FMNL3: variants seen among roughly 807,000 people sequenced by gnomAD.
The protein encoded by FMNL3 is formin like 3.
Under a neutral mutation model 119.6 loss-of-function variants are expected in FMNL3, and 57 were observed. The ratio of observed to expected loss-of-function variants is 0.48; its 90% CI spans 0.39 to 0.59. The LOEUF is 0.59. Ranked by LOEUF, FMNL3 falls within the 20% of genes least tolerant of loss-of-function variation. The pLI, the probability that FMNL3 is intolerant of heterozygous loss-of-function variation, is 0.00. For missense variants in FMNL3, 1,053 were observed against 1,323.5 expected (o/e 0.80, Z 3.17); for synonymous variants, 491 against 507.3 (o/e 0.97, Z 0.43).
In FMNL3 at chr12:49,644,305, G is replaced by A. The variant is rs1943055370; in HGVS notation, c.*1510C>T. ...CTGGTCTGTGTCCACTTTTTCTAAA[G>A]TAACCCCACCCCCAGCACACCATTG... On this transcript the variant is annotated 3_prime_UTR_variant, in exon 26 of 26. Transcript: ENST00000335154. 1.7e-6 allele frequency: 2 copies of A among 1,197,942 alleles called. No homozygotes were observed. Among genetic ancestry groups the A allele is most frequent in the South Asian group, 2.6e-5 (2 of 75,740 alleles). 74.2% of individuals were successfully genotyped at this position (1,197,942 alleles called of 1,614,324 possible).
chr12:49,648,664 A>G (rs1209446999), intron 21 of FMNL3, among the ~76,000 whole-genome samples: 3 of 152,180 alleles, frequency 2.0e-5, no homozygotes, highest in Non-Finnish European at 4.4e-5. Flanking sequence ...AATAACAGCT[A>G]CCTCATGTCT....
In FMNL3 at chr12:49,642,501, C is replaced by T. The variant is rs1008072367; in HGVS notation, c.*3314G>A. On this transcript the variant is annotated 3_prime_UTR_variant, in exon 26 of 26. Transcript: ENST00000335154. The surrounding 1 kb of genome is among the most constrained non-coding windows in gnomAD (Gnocchi z 5.8). Reference sequence around the variant, plus strand: ...AGTTCCCTTCCTTTCTCTGCCCCAGCCCTGCCCTGTGCTCATGGCGGTGTC... The same window carrying T: ...AGTTCCCTTCCTTTCTCTGCCCCAGTCCTGCCCTGTGCTCATGGCGGTGTC... The T allele has an allele frequency of 4.6e-5, 72 of 1,581,148 alleles. No homozygotes were observed. In the Admixed American group the frequency reaches 5.4e-4, roughly 12 times the overall value.
chr12:49,704,504 A>C (rs1253328989), intron 1 of FMNL3, among the ~76,000 whole-genome samples: 1 of 152,166 alleles, frequency 6.6e-6, no homozygotes, highest in Non-Finnish European at 1.5e-5. Context: ...TGAGGTCAGG[A>C]GTTCGAGACC....
chr12:49,692,289 T>G (rs2139007871), intron 1 of FMNL3, among the ~76,000 whole-genome samples: 1 of 151,742 alleles, frequency 6.6e-6, no homozygotes, highest in East Asian at 1.9e-4. Flanking sequence ...GTGATCACAC[T>G]ACTGCACTCT....
chr12:49,682,439 A>C lies in FMNL3; in HGVS notation c.127-13885T>G, dbSNP rs1944361330. ...ACTCACTGTAACCTTGAACTCCTGG[A>C]CTGTTACAATCCTCCCACATCAGCT... On this transcript the variant is annotated intron_variant, in intron 1 of 25. Coordinates refer to ENST00000335154, the MANE Select transcript of FMNL3 (RefSeq NM_175736.5). Among the ~76,000 whole-genome samples the C allele has an allele frequency of 4.6e-5, 7 of 152,202 alleles. No individual in the cohort carries two copies. In the South Asian group the frequency reaches 1.5e-3, roughly 32 times the overall value.
intron 1 of FMNL3, among the ~76,000 whole-genome samples, chr12:49,676,514 T>C (rs1033515828): frequency 2.8e-5 from 4 of 144,024 alleles, no homozygotes; most frequent in African/African-American, 1.1e-4. Flanking sequence ...GAATGTTTCA[T>C]AGTGGGTTTT....
chr12:49,647,109 C>T lies in FMNL3; in HGVS notation c.2872-100G>A. The T allele has an allele frequency of 1.3e-6, 2 of 1,583,942 alleles. No homozygotes were observed. The highest frequency in any genetic ancestry group is 2.3e-5 in the South Asian group (2 of 87,480). On this transcript the variant is annotated intron_variant, in intron 24 of 25. Coordinates refer to ENST00000335154, the MANE Select transcript of FMNL3 (RefSeq NM_175736.5). The surrounding 1 kb of genome is among the most constrained non-coding windows in gnomAD (Gnocchi z 4.9). Reference sequence around the variant, plus strand: ...GTCTGAGGATGCCACTGCTTGTGCACTGCTAGGAATCCCCAAAGGCCCTCC... The same window carrying T: ...GTCTGAGGATGCCACTGCTTGTGCATTGCTAGGAATCCCCAAAGGCCCTCC...
In FMNL3 at chr12:49,654,348, GA is replaced by G. The variant is rs1227861467; in HGVS notation, c.961-47del. On this transcript the variant is annotated intron_variant, in intron 10 of 25. Coordinates refer to ENST00000335154, the MANE Select transcript of FMNL3 (RefSeq NM_175736.5). ...AGAAGCAGCAACAGGAAGGGCAGAG[GA>G]AAGGCAAGAGACCAGGAGGATAGGC... The G allele has an allele frequency of 3.9e-6, 6 of 1,529,172 alleles. No homozygotes were observed. In the African/African-American group the frequency reaches 5.5e-5, roughly 14 times the overall value. 94.7% of individuals were successfully genotyped at this position (1,529,172 alleles called of 1,614,324 possible).
intron 1 of FMNL3, among the ~76,000 whole-genome samples, chr12:49,680,548 T>C (rs1944309991): frequency 6.6e-6 from 1 of 152,228 alleles, no homozygotes; most frequent in Non-Finnish European, 1.5e-5. Context: ...GAACTTGACA[T>C]AGAGGTCTAG....
In FMNL3 at chr12:49,648,157, C is replaced by T. The variant is rs557803059; in HGVS notation, c.2676+36G>A. On this transcript the variant is annotated intron_variant, in intron 22 of 25. Coordinates refer to ENST00000335154, the MANE Select transcript of FMNL3 (RefSeq NM_175736.5). ...CACCTAGAGGGGCCTGGTGCCTTGGCCCTGGTTGCTCCCACCGCCTGCACC... is the reference window on the plus strand; with the variant it reads ...CACCTAGAGGGGCCTGGTGCCTTGGTCCTGGTTGCTCCCACCGCCTGCACC... 1.9e-5 allele frequency: 30 copies of T among 1,593,252 alleles called. No individual in the cohort carries two copies. In the South Asian group the frequency reaches 2.9e-4, roughly 16 times the overall value.
Position 49,636,506 on chromosome 12 carries a change from T to G in FMNL3, c.*9309A>C, listed in dbSNP as rs917807632. 3 of 555,278 alleles carry G rather than the reference T, an allele frequency of 5.4e-6. No individual in the cohort carries two copies. Among genetic ancestry groups the G allele is most frequent in the Non-Finnish European group, 9.4e-6 (3 of 317,916 alleles). The allele number at this position is 555,278 out of a possible 1,614,324, so 34.4% of individuals were successfully genotyped here. On this transcript the variant is annotated 3_prime_UTR_variant, in exon 26 of 26. Transcript: ENST00000335154. ...AACTGAATTCACAAGAGCTGAATACTTGCTTATTTATTCTTATACAATTAA... is the reference window on the plus strand; with the variant it reads ...AACTGAATTCACAAGAGCTGAATACGTGCTTATTTATTCTTATACAATTAA...
intron 1 of FMNL3, among the ~76,000 whole-genome samples, chr12:49,685,108 A>G (rs1048984000): frequency 2.6e-5 from 4 of 152,206 alleles, no homozygotes; most frequent in African/African-American, 9.7e-5. Context: ...ACCACCCCAG[A>G]GTTCAATAAA....
At chr12:49,661,278 C>T (rs888884226) in intron 5 of FMNL3, among the ~76,000 whole-genome samples, 4 of 152,168 alleles carry the variant, frequency 2.6e-5, no homozygotes, top group African/African-American at 9.7e-5. Flanking sequence ...ATTTTCACAA[C>T]AACCCTGGAA....
At position 49,657,107 on chromosome 12, in the gene FMNL3, C is replaced by G; in HGVS notation, c.689G>C (p.Cys230Ser). 6.2e-7 allele frequency: 1 copy of G among 1,614,160 alleles called. No homozygotes were observed. The highest frequency in any genetic ancestry group is 8.5e-7 in the Non-Finnish European group (1 of 1,180,022). ...QKDDVHVCIL[C>S]LRAIMNYQYG... The stretch of plus-strand genomic sequence containing the variant: ...CTGATAGTTCATGATGGCTCTGAGA[C>G]AAAGGATACAGACGTGGACGTCATC... The change falls in exon 7 of 26, where the codon TGT (cysteine) becomes TCT (serine). Residue 230 changes from cysteine (C) to serine (S), a missense_variant. This residue lies in a region of FMNL3 where 445 missense variants were observed against 628.4 expected (regional missense o/e 0.71). Transcript: ENST00000335154.
chr12:49,675,905 C>T (rs531996030), intron 1 of FMNL3, among the ~76,000 whole-genome samples: 49 of 152,236 alleles, frequency 3.2e-4, no homozygotes, highest in African/African-American at 1.1e-3. Context: ...CTTCTCTGAC[C>T]AGCCTCATCC....
At chr12:49,688,829 G>A (rs1944532543) in intron 1 of FMNL3, among the ~76,000 whole-genome samples, 1 of 152,142 alleles carries the variant, frequency 6.6e-6, no homozygotes, top group Non-Finnish European at 1.5e-5. Flanking sequence ...ACACTAGCAG[G>A]TATAAAGTGG....
intron 1 of FMNL3, among the ~76,000 whole-genome samples, chr12:49,680,063 T>C (rs895322016): frequency 6.6e-6 from 1 of 152,258 alleles, no homozygotes; most frequent in Non-Finnish European, 1.5e-5. Flanking sequence ...CTTGAGGACT[T>C]TGCCTTGAAT....
At position 49,707,261 on chromosome 12, in the gene FMNL3, C is replaced by T; in HGVS notation, c.-81G>A. 1 of 1,297,146 alleles carries T rather than the reference C, an allele frequency of 7.7e-7. No individual in the cohort carries two copies. Among genetic ancestry groups the T allele is most frequent in the South Asian group, 1.7e-5 (1 of 60,294 alleles). 80.4% of individuals were successfully genotyped at this position (1,297,146 alleles called of 1,614,324 possible). A position where few individuals can be genotyped will look rare whatever the true frequency, so the allele number is the denominator to read the frequency against. On this transcript the variant is annotated 5_prime_UTR_variant, in exon 1 of 26. Transcript: ENST00000335154. ...CGGCTCCGCGGCTCCGACCAGGCTC[C>T]TCCCTCAGCGCCGGCTCCCCGAGTC...
chr12:49,696,420 T>A (rs1163863391), intron 1 of FMNL3, among the ~76,000 whole-genome samples: 1 of 152,212 alleles, frequency 6.6e-6, no homozygotes, highest in African/African-American at 2.4e-5. Context: ...TACTCAATTC[T>A]CGTTTGATTG....
Sources: allele counts gnomAD v4.1 joint callset (sites outside exome capture counted in the v4.1 genomes callset), GRCh38; gene constraint gnomAD v4.1.1; regional missense constraint gnomAD v4.1.1; non-coding constraint Gnocchi (gnomAD v3.1); transcripts MANE v1.5; gene names NCBI Gene and HGNC (gene_info 2026-07-23, HGNC 2026-07-21).